CELF2: variants seen among roughly 807,000 people sequenced by gnomAD.
CELF2 encodes the protein CUG triplet repeat RNA-binding protein 2.
In CELF2, 8 loss-of-function variants were observed where a neutral mutation model predicts 62.6. The observed-to-expected ratio is 0.13, with a 90% CI of 0.07 to 0.23. The LOEUF (loss-of-function observed/expected upper bound fraction) is 0.23. Ranked by LOEUF, CELF2 falls within the 10% of genes least tolerant of loss-of-function variation. The pLI, the probability that CELF2 is intolerant of heterozygous loss-of-function variation, is 1.00. For synonymous variants in CELF2, 258 were observed against 250.0 expected (o/e 1.03, Z -0.30); for missense variants, 333 against 671.0 (o/e 0.50, Z 5.56).
the CELF2 span, among the ~76,000 whole-genome samples, chr10:10,782,772 T>C: frequency 6.6e-6 from 1 of 152,168 alleles, no homozygotes. Flanking sequence ...TTCAGGTTCT[T>C]TGTGATGTCA....
chr10:10,497,921 G>A, the CELF2 span, among the ~76,000 whole-genome samples: 2 of 152,170 alleles, frequency 1.3e-5, no homozygotes, highest in Non-Finnish European at 2.9e-5. Context: ...AATAGACGAG[G>A]TGCAAAAGAA....
intron 1 of CELF2, among the ~76,000 whole-genome samples, chr10:10,851,572 G>A (rs1365629641): frequency 1.3e-5 from 2 of 152,130 alleles, no homozygotes; most frequent in Non-Finnish European, 2.9e-5. Context: ...TGATCCAAAA[G>A]TTGATAAATT....
the CELF2 span, among the ~76,000 whole-genome samples, chr10:10,752,797 G>A: frequency 1.4e-4 from 16 of 110,424 alleles, no homozygotes; most frequent in East Asian, 5.2e-4. Flanking sequence ...GCAAAATACC[G>A]GTAGTAAAAA....
In CELF2 at chr10:11,315,114, T is replaced by A. The variant is rs531137058; in HGVS notation, c.1096+856T>A. On this transcript the variant is annotated intron_variant, in intron 10 of 12. Transcript: ENST00000633077. The surrounding 1 kb of genome is among the most constrained non-coding windows in gnomAD (Gnocchi z 5.8). ...GCCAGAGGATAAGTCGTGTTTTAGA[T>A]TCATGCTCGGTGTGGGTTCCTGTAC... is the stretch of plus-strand genomic sequence containing the variant. Among the ~76,000 whole-genome samples, 21 of 152,254 alleles carry A rather than the reference T, an allele frequency of 1.4e-4. No homozygotes were observed. The highest frequency in any genetic ancestry group is 4.8e-4 in the African/African-American group (20 of 41,546).
In CELF2 at chr10:10,995,060, T is replaced by C. The variant is rs1183761576; in HGVS notation, c.89+75061T>C. Reference sequence around the variant, plus strand: ...CTTGGAGCTCTTGCGGCCCATAAAATCCCACAGCATTAGACACTGCATTAT... The same window carrying C: ...CTTGGAGCTCTTGCGGCCCATAAAACCCCACAGCATTAGACACTGCATTAT... On this transcript the variant is annotated intron_variant, in intron 2 of 13. Transcript: ENST00000636488. This position sits in a 1 kb window ranked among gnomAD's most constrained non-coding sequence, Gnocchi z 4.7. Among the ~76,000 whole-genome samples, 2 of 152,112 alleles carry C rather than the reference T, an allele frequency of 1.3e-5. No homozygotes were observed. The highest frequency in any genetic ancestry group is 4.8e-5 in the African/African-American group (2 of 41,440).
Position 11,315,065 on chromosome 10 carries a change from G to A in CELF2, c.1096+807G>A, listed in dbSNP as rs750652325. 3.3e-5 allele frequency among the ~76,000 whole-genome samples: 5 copies of A among 152,162 alleles called. No individual in the cohort carries two copies. The highest frequency in any genetic ancestry group is 4.8e-5 in the African/African-American group (2 of 41,440). ...CAGCCCACCCGCTCCTGTCATTCTCGGTTGATGGGGGAGCAGTGTGCCGGC... is the reference window on the plus strand; with the variant it reads ...CAGCCCACCCGCTCCTGTCATTCTCAGTTGATGGGGGAGCAGTGTGCCGGC... On this transcript the variant is annotated intron_variant, in intron 10 of 12. Transcript: ENST00000633077. The surrounding 1 kb of genome is among the most constrained non-coding windows in gnomAD (Gnocchi z 5.8).
At chr10:10,933,441 T>A (rs2066302705) in intron 2 of CELF2, among the ~76,000 whole-genome samples, 1 of 152,232 alleles carries the variant, frequency 6.6e-6, no homozygotes, top group Non-Finnish European at 1.5e-5. Context: ...TTCTTTGTTG[T>A]GAGAGCATTT....
chr10:10,792,390 C>T, the CELF2 span: 1 of 398,326 alleles, frequency 2.5e-6, no homozygotes, highest in East Asian at 3.6e-5. Flanking sequence ...CGTTGTAATT[C>T]AAGGGCAATA....
At chr10:10,703,121 C>T in the CELF2 span, among the ~76,000 whole-genome samples, 1 of 152,208 alleles carries the variant, frequency 6.6e-6, no homozygotes, top group African/African-American at 2.4e-5. Flanking sequence ...CCTTCTATCG[C>T]TCTGTCTTTG....
intron 1 of CELF2, among the ~76,000 whole-genome samples, chr10:11,105,272 T>C (rs2762555): frequency 0.063 from 9,561 of 152,186 alleles, 442 homozygotes; most frequent in African/African-American, 0.12. Flanking sequence ...CACTTCCTGG[T>C]TGTGTGGCTT....
the CELF2 span, among the ~76,000 whole-genome samples, chr10:10,786,430 A>G: frequency 9.9e-5 from 15 of 152,130 alleles, no homozygotes; most frequent in Admixed American, 5.9e-4. Context: ...CAACCATAAT[A>G]CAGATCAGGA....
At chr10:11,141,053 G>A (rs1407182963) in intron 1 of CELF2, among the ~76,000 whole-genome samples, 1 of 152,194 alleles carries the variant, frequency 6.6e-6, no homozygotes, top group Non-Finnish European at 1.5e-5. Flanking sequence ...TTGTGTATTC[G>A]TAGAGTCATT....
At chr10:10,645,171 TGAATCCCCCCTTGTTGAGTTCTGTG>T in the CELF2 span, among the ~76,000 whole-genome samples, 1 of 152,104 alleles carries the variant, frequency 6.6e-6, no homozygotes, top group Non-Finnish European at 1.5e-5. Context: ...TTGGCAAGAT[TGAATCCCCCCTTGTTGAGTTCTGTG>T]GAATCCCCCC....
chr10:10,802,664 C>T (rs2131546325), intron 1 of CELF2, among the ~76,000 whole-genome samples: 1 of 152,168 alleles, frequency 6.6e-6, no homozygotes, highest in Admixed American at 6.5e-5. Flanking sequence ...ATTAAAAACC[C>T]CAAATCAAGT....
chr10:10,554,815 C>T, the CELF2 span, among the ~76,000 whole-genome samples: 2 of 152,160 alleles, frequency 1.3e-5, no homozygotes, highest in African/African-American at 4.8e-5. Flanking sequence ...GAAATGCACC[C>T]CTTCCAACCA....
the CELF2 span, among the ~76,000 whole-genome samples, chr10:10,693,390 T>C: frequency 2.7e-5 from 4 of 145,490 alleles, no homozygotes; most frequent in Admixed American, 2.8e-4. Flanking sequence ...AGCTTTTTGA[T>C]GTGCTGCTGG....
intron 1 of CELF2, among the ~76,000 whole-genome samples, chr10:10,799,010 C>T (rs1372593157): frequency 6.6e-6 from 1 of 152,142 alleles, no homozygotes; most frequent in South Asian, 2.1e-4. Context: ...ACGTGAGGTC[C>T]TCCAATTTCA....
upstream of CELF2, among the ~76,000 whole-genome samples, chr10:10,793,754 T>G (rs974171063): frequency 3.3e-5 from 5 of 152,196 alleles, no homozygotes; most frequent in Non-Finnish European, 7.4e-5. Context: ...TTTTAACAAC[T>G]AAAACAATAT....
chr10:11,325,783 T>C lies in CELF2; in HGVS notation c.1295-53T>C, dbSNP rs537351456. Reference sequence around the variant, plus strand: ...TTAAAGTATTCCTAAGAAGGGACTTTGGAAACTAAGACTCAAGGGATACCT... The same window carrying C: ...TTAAAGTATTCCTAAGAAGGGACTTCGGAAACTAAGACTCAAGGGATACCT... On this transcript the variant is annotated intron_variant, in intron 11 of 12. Transcript: ENST00000633077. 1,234 of 1,520,382 alleles carry C rather than the reference T, an allele frequency of 8.1e-4. 2 individuals are homozygous for C. The highest frequency in any genetic ancestry group is 1.0e-3 in the Non-Finnish European group (1,159 of 1,123,770). 94.2% of individuals were successfully genotyped at this position (1,520,382 alleles called of 1,614,324 possible). A position where few individuals can be genotyped will look rare whatever the true frequency, so the allele number is the denominator to read the frequency against.
Sources: allele counts gnomAD v4.1 joint callset (sites outside exome capture counted in the v4.1 genomes callset), GRCh38; gene constraint gnomAD v4.1.1; non-coding constraint Gnocchi (gnomAD v3.1); transcripts MANE v1.5; gene names NCBI Gene and HGNC (gene_info 2026-07-23, HGNC 2026-07-21).